Variants in STOM observed in about 807,000 individuals in gnomAD.
STOM encodes erythrocyte band 7 integral membrane protein.
In STOM, 25 loss-of-function variants were observed where a neutral mutation model predicts 30.6. The observed-to-expected ratio is 0.82, with a 90% CI of 0.60 to 1.14. STOM has a LOEUF of 1.14. Ranked by LOEUF, STOM falls within the 50% of genes most tolerant of loss-of-function variation. STOM has a pLI of 0.00. For synonymous variants in STOM, 118 were observed against 130.8 expected (o/e 0.90, Z 0.67); for missense variants, 292 against 365.2 (o/e 0.80, Z 1.63).
At chr9:121,358,195 G>A (rs1244109589) in intron 1 of STOM, among the ~76,000 whole-genome samples, 3 of 151,334 alleles carry the variant, frequency 2.0e-5, no homozygotes, top group East Asian at 1.9e-4. Flanking sequence ...GGTGGCTCAC[G>A]CCTGTAATCC....
Position 121,349,090 on chromosome 9 carries a change from G to C in STOM, c.525+30C>G, listed in dbSNP as rs767750673. 25 of 1,604,348 alleles carry C rather than the reference G, an allele frequency of 1.6e-5. No individual in the cohort carries two copies. In the East Asian group the frequency reaches 3.6e-4, roughly 23 times the overall value. On this transcript the variant is annotated intron_variant, in intron 5 of 6. Transcript: ENST00000286713. ...CTCTTTGCTTCATTTTTCAGCTTCT[G>C]GGGGGTAACAGCATTGACGTACTCC...
In STOM at chr9:121,340,789, A is replaced by C; in HGVS notation, c.*413T>G. On this transcript the variant is annotated 3_prime_UTR_variant, in exon 7 of 7. Transcript: ENST00000286713. ...AAAAGACTCTCTGGAGGTAAGGCAC[A>C]TATGACCTGGAGAAGCTGGTTGTGG... The C allele has an allele frequency of 9.9e-7, 1 of 1,012,884 alleles. No individual in the cohort carries two copies. The highest frequency in any genetic ancestry group is 1.2e-6 in the Non-Finnish European group (1 of 845,434). 62.7% of individuals were successfully genotyped at this position (1,012,884 alleles called of 1,614,324 possible). A position where few individuals can be genotyped will look rare whatever the true frequency, so the allele number is the denominator to read the frequency against.
At chr9:121,367,756 C>A (rs2134049299) in intron 1 of STOM, among the ~76,000 whole-genome samples, 1 of 152,340 alleles carries the variant, frequency 6.6e-6, no homozygotes, top group South Asian at 2.1e-4. Flanking sequence ...TCACAAGCAG[C>A]CTTCTGGAAG....
chr9:121,353,361 A>C, intron 3 of STOM, 59 bp from the exon 4 acceptor site: 6 of 1,189,642 alleles, frequency 5.0e-6, no homozygotes, highest in Non-Finnish European at 7.1e-6. Context: ...TCACTTCTCC[A>C]TTCAGTTTTA....
intron 1 of STOM, among the ~76,000 whole-genome samples, chr9:121,358,897 T>G (rs933633418): frequency 6.6e-6 from 1 of 152,216 alleles, no homozygotes; most frequent in Non-Finnish European, 1.5e-5. Context: ...TGGACTTCCT[T>G]CATCTGGTGT....
intron 4 of STOM, among the ~76,000 whole-genome samples, chr9:121,351,005 C>A (rs533123726): frequency 1.3e-5 from 2 of 152,306 alleles, no homozygotes; most frequent in East Asian, 3.9e-4. Context: ...TTTGCCACAG[C>A]TTCTTTCTAA....
rs1248874073 is a variant in STOM, at chr9:121,339,303, CAG to C, written c.*1897_*1898del. The C allele has an allele frequency of 5.0e-6, 1 of 198,788 alleles. No individual in the cohort carries two copies. The highest frequency in any genetic ancestry group is 2.3e-5 in the African/African-American group (1 of 43,150). The allele number at this position is 198,788 out of a possible 1,614,324, so 12.3% of individuals were successfully genotyped here. On this transcript the variant is annotated 3_prime_UTR_variant, in exon 7 of 7. Transcript: ENST00000286713. The stretch of plus-strand genomic sequence containing the variant: ...CCAAAAGCACTGTTACTCTAAGTCT[CAG>C]AAAAGGTTTTCAGTCAGGATATGGA...
chr9:121,357,024 T>C (rs2064398151), intron 1 of STOM, among the ~76,000 whole-genome samples: 1 of 151,986 alleles, frequency 6.6e-6, no homozygotes, highest in Admixed American at 6.6e-5. Flanking sequence ...GGAAAAGGCA[T>C]TAGAGCATTT....
At chr9:121,354,794 C>A (rs2064370043) in intron 2 of STOM, 121 bp from the exon 3 acceptor site, 2 of 625,554 alleles carry the variant, frequency 3.2e-6, no homozygotes, top group South Asian at 2.3e-5. Flanking sequence ...TCTTTAGAAC[C>A]AGATCATATC....
chr9:121,340,409 G>C lies in STOM; in HGVS notation c.*793C>G. On this transcript the variant is annotated 3_prime_UTR_variant, in exon 7 of 7. Transcript: ENST00000286713. ...TATTCTGAAACACGGTCTGGATTTA[G>C]AAAATAAATGAACATTAGGGAAATT... is the stretch of plus-strand genomic sequence containing the variant. The C allele has an allele frequency of 1.0e-6, 1 of 985,324 alleles. No homozygotes were observed. The highest frequency in any genetic ancestry group is 4.7e-5 in the South Asian group (1 of 21,282). The allele number at this position is 985,324 out of a possible 1,614,324, so 61.0% of individuals were successfully genotyped here.
chr9:121,344,355 T>G (rs941129315), intron 6 of STOM, among the ~76,000 whole-genome samples: 1 of 152,192 alleles, frequency 6.6e-6, no homozygotes, highest in Non-Finnish European at 1.5e-5. Flanking sequence ...AGGCACTTTT[T>G]TCTTTGGACA....
chr9:121,347,985 T>C (rs1160172686), intron 6 of STOM, 30 bp downstream of exon 6: 1 of 1,578,268 alleles, frequency 6.3e-7, no homozygotes, highest in African/African-American at 1.4e-5. Flanking sequence ...GAAAACTCAG[T>C]AAGAAAAACA....
intron 6 of STOM, among the ~76,000 whole-genome samples, chr9:121,345,438 A>G (rs560976479): frequency 6.6e-6 from 1 of 152,300 alleles, no homozygotes; most frequent in Non-Finnish European, 1.5e-5. Flanking sequence ...GAATTTTTCT[A>G]TAAAGTCTCT....
At chr9:121,355,942 T>A (rs2064384921) in intron 2 of STOM, 111 bp downstream of exon 2, 1 of 659,182 alleles carries the variant, frequency 1.5e-6, no homozygotes, top group Admixed American at 3.7e-5. Context: ...ATAAGAATTA[T>A]AAGAGAGAGA....
intron 2 of STOM, among the ~76,000 whole-genome samples, chr9:121,355,191 ACCACTGCACTCCAG>A (rs2064374128): frequency 6.9e-6 from 1 of 145,886 alleles, no homozygotes; most frequent in Non-Finnish European, 1.5e-5. Flanking sequence ...CCGAGATCGC[ACCACTGCACTCCAG>A]CCTGGGCCAC....
chr9:121,352,294 G>A (rs1189876273), intron 4 of STOM, among the ~76,000 whole-genome samples: 1 of 152,116 alleles, frequency 6.6e-6, no homozygotes, highest in Non-Finnish European at 1.5e-5. Context: ...TTAAAAATTT[G>A]TATTATTGTA....
At chr9:121,358,573 G>A (rs761745094) in intron 1 of STOM, among the ~76,000 whole-genome samples, 42 of 152,126 alleles carry the variant, frequency 2.8e-4, no homozygotes, top group Middle Eastern at 3.4e-3. Context: ...TTTCCTCCCC[G>A]TTACCCCCAC....
Position 121,358,625 on chromosome 9 carries a change from C to T in STOM, c.62-2469G>A, listed in dbSNP as rs191126354. On this transcript the variant is annotated intron_variant, in intron 1 of 6. Coordinates refer to ENST00000286713, the MANE Select transcript of STOM (RefSeq NM_004099.6). ...GCTTTCCAATATAATTACATCATAA[C>T]TTCATTTAGATCAATATGAGATTTT... Among the ~76,000 whole-genome samples the T allele has an allele frequency of 2.0e-5, 3 of 152,312 alleles. No individual in the cohort carries two copies. The East Asian group carries it at 5.8e-4, about 29-fold the overall frequency.
intron 2 of STOM, 26 bp downstream of exon 2, chr9:121,356,027 C>G: frequency 6.2e-7 from 1 of 1,603,526 alleles, no homozygotes; most frequent in East Asian, 2.2e-5. Context: ...TGACCCCTTC[C>G]CAGAAGTGAA....
Sources: gnomAD v4.1 joint callset for allele counts (sites outside exome capture counted in the v4.1 genomes callset) on GRCh38, gnomAD v4.1.1 for gene constraint, MANE v1.5 for transcripts, NCBI Gene and HGNC (gene_info 2026-07-23, HGNC 2026-07-21) for gene names.